The following CYP2D6 variants were observed in gnomAD, a reference collection of about 807,000 sequenced individuals.
The protein encoded by CYP2D6 is cytochrome P450 2D6.
A neutral mutation model predicts 43.5 loss-of-function variants in CYP2D6; 51 were observed. The observed-to-expected ratio is 1.17, with a 90% CI of 0.94 to 1.48. The LOEUF (loss-of-function observed/expected upper bound fraction) is 1.48. CYP2D6 is among the 40% of genes most tolerant of loss of function. The pLI is 0.00. For synonymous variants in CYP2D6, 346 were observed against 297.1 expected, an observed-to-expected ratio of 1.16 and a Z score of -1.69; for missense variants, 698 against 688.0, an observed-to-expected ratio of 1.01 and a Z score of -0.16.
In CYP2D6 at chr22:42,130,747, G is replaced by A. The variant is rs2146944839; in HGVS notation, c.45C>T (p.Ile15=). Residue 15 remains isoleucine, a synonymous_variant, in exon 1 of 9, where the codon ATC becomes ATT. Transcript: ENST00000645361. The part of the protein sequence containing the change: ...ALVPLAVIVA[I]FLLLVDLMHR... ...GCATCAGGTCCACCAGGAGCAGGAA[G>A]ATGGCCACTATCACGGCCAGGGGCA... is the stretch of plus-strand genomic sequence containing the variant. The A allele has an allele frequency of 6.3e-6, 10 of 1,594,980 alleles. No homozygotes were observed. Among genetic ancestry groups the A allele is most frequent in the Non-Finnish European group, 8.5e-6 (10 of 1,170,216 alleles).
Position 42,128,238 on chromosome 22 carries a change from A to G in CYP2D6, c.779T>C (p.Met260Thr). Residue 260 changes from methionine (M) to threonine (T), a missense_variant, in exon 5 of 9, where the codon ATG becomes ACG. Met to Thr is a moderately conservative substitution (Grantham distance 81, BLOSUM62 -1). Transcript: ENST00000645361. ...GGGGGGCTGGGCTGGGTCCCAGGTC[A>G]TCCTGTGCTCAGTTAGCAGCTCATC... ...QLDELLTEHR[M>T]TWDPAQPPRD... 6.2e-7 allele frequency: 1 copy of G among 1,610,370 alleles called. No individual in the cohort carries two copies. The highest frequency in any genetic ancestry group is 8.5e-7 in the Non-Finnish European group (1 of 1,177,934).
rs1174898951 is a variant in CYP2D6, at chr22:42,129,380, C to A, written c.353-195G>T. ...CTTTGCCCCACCTCGTCTCTGCCCA[C>A]CCTGACCGCCTTTGCACTCAGGGAA... is the stretch of plus-strand genomic sequence containing the variant. On this transcript the variant is annotated intron_variant, in intron 2 of 8. Transcript: ENST00000645361. The A allele has an allele frequency of 5.8e-6, 5 of 868,048 alleles. No homozygotes were observed. In the East Asian group the frequency reaches 1.3e-4, roughly 23 times the overall value. 53.8% of individuals were successfully genotyped at this position (868,048 alleles called of 1,614,324 possible). A position where few individuals can be genotyped will look rare whatever the true frequency, so the allele number is the denominator to read the frequency against.
At chr22:42,127,793 C>G (rs749933540) in intron 6 of CYP2D6, 49 bp downstream of exon 6, 1 of 1,603,504 alleles carries the variant, frequency 6.2e-7, no homozygotes, top group Non-Finnish European at 8.5e-7. Context: ...GGGCCCCCGC[C>G]TGTACCCTTC....
chr22:42,129,318 T>C (rs1931615604), intron 2 of CYP2D6, 133 bp from the exon 3 acceptor site: 2 of 1,193,416 alleles, frequency 1.7e-6, no homozygotes, highest in Non-Finnish European at 2.4e-6. Flanking sequence ...GGGCCCACTC[T>C]TTGTGCATCC....
In CYP2D6 at chr22:42,127,864, C is replaced by G; in HGVS notation, c.963G>C (p.Met321Ile). The G allele has an allele frequency of 6.2e-7, 1 of 1,611,140 alleles. No individual in the cohort carries two copies. The highest frequency in any genetic ancestry group is 1.3e-5 in the African/African-American group (1 of 74,436). ...STTLAWGLLL[M>I]ILHPDVQRRV... ...CACGCTGCACATCCGGATGTAGGATCATGAGCAGGAGGCCCCAGGCCAGCG... is the reference window on the plus strand; with the variant it reads ...CACGCTGCACATCCGGATGTAGGATGATGAGCAGGAGGCCCCAGGCCAGCG... Residue 321 changes from methionine to isoleucine, a missense_variant, in exon 6 of 9, where the codon ATG becomes ATC. By Grantham distance (10) the Met-to-Ile change is conservative. Transcript: ENST00000645361.
Position 42,127,659 on chromosome 22 carries a change from T to G in CYP2D6, c.986-25A>C, listed in dbSNP as rs781257354. ...CCTGGACAGACATGCGTCCCCACAA[T>G]GGGTCAGCACCCAGGGGGTCCGGCC... On this transcript the variant is annotated intron_variant, in intron 6 of 8. Coordinates refer to ENST00000645361, the MANE Select transcript of CYP2D6 (RefSeq NM_000106.6). 11 of 1,607,792 alleles carry G rather than the reference T, an allele frequency of 6.8e-6. 1 individual carries two copies.
chr22:42,129,288 GCT>G, intron 2 of CYP2D6, 103 bp from the exon 3 acceptor site: 1 of 1,408,664 alleles, frequency 7.1e-7, no homozygotes, highest in South Asian at 1.2e-5. Context: ...GCAGTCCCTG[GCT>G]CTGTCCAGCT....
At position 42,129,150 on chromosome 22, in the gene CYP2D6, C is replaced by T. The variant is rs771490928; in HGVS notation, c.388G>A (p.Glu130Lys). The T allele has an allele frequency of 9.9e-6, 16 of 1,608,562 alleles. 3 individuals carry two copies. Among genetic ancestry groups the T allele is most frequent in the African/African-American group, 1.3e-5 (1 of 74,576 alleles). Reference sequence around the variant, plus strand: ...GTGGACACGGAGAAGCGCCTCTGCTCGCGCCACGCGGGCCCATAGCGCGCC... The same window carrying T: ...GTGGACACGGAGAAGCGCCTCTGCTTGCGCCACGCGGGCCCATAGCGCGCC... ...FLARYGPAWREQRRFSVSTLR... is the reference protein window; with the variant it reads ...FLARYGPAWRKQRRFSVSTLR... Residue 130 changes from glutamate (E) to lysine (K), a missense_variant, in exon 3 of 9, where the codon GAG becomes AAG. By Grantham distance (56) the Glu-to-Lys change is moderately conservative. This residue lies in a region of CYP2D6 where 588 missense variants were observed against 521.1 expected (regional missense o/e 1.13). Coordinates refer to ENST00000645361, the MANE Select transcript of CYP2D6 (RefSeq NM_000106.6).
intron 7 of CYP2D6, 87 bp downstream of exon 7, chr22:42,127,360 C>T: frequency 4.5e-6 from 6 of 1,322,434 alleles, no homozygotes; most frequent in Non-Finnish European, 6.4e-6. Flanking sequence ...GCCAGGGTTC[C>T]TAGAGTGGGC....
At chr22:42,129,451 T>C (rs1931650059) in intron 2 of CYP2D6, 5 of 735,306 alleles carry the variant, frequency 6.8e-6, no homozygotes, top group Non-Finnish European at 1.2e-5. Context: ...ACAGCACAGG[T>C]GCGGTCCCCG....
Position 42,130,685 on chromosome 22 carries a change from C to G in CYP2D6, c.107G>C (p.Gly36Ala). 1 of 1,607,790 alleles carries G rather than the reference C, an allele frequency of 6.2e-7. No homozygotes were observed. The change falls in exon 1 of 9, where the codon GGC becomes GCC. Residue 36 changes from glycine to alanine, a missense_variant. Gly to Ala is a moderately conservative substitution (Grantham distance 60, BLOSUM62 0). This residue lies in a region of CYP2D6 where 588 missense variants were observed against 521.1 expected (regional missense o/e 1.13). Transcript: ENST00000645361. Reference sequence around the variant, plus strand: ...GCCCAGCCCGGGCAGTGGCAGGGGGCCTGGTGGGTAGCGTGCAGCCCAGCG... The same window carrying G: ...GCCCAGCCCGGGCAGTGGCAGGGGGGCTGGTGGGTAGCGTGCAGCCCAGCG... ...RQRWAARYPP[G>A]PLPLPGLGNL...
Position 42,129,143 on chromosome 22 carries a change from C to A in CYP2D6, c.395G>T (p.Arg132Met), listed in dbSNP as rs752758046. ...GCGCAAGGTGGACACGGAGAAGCGC[C>A]TCTGCTCGCGCCACGCGGGCCCATA... Reference protein sequence around the residue: ...ARYGPAWREQRRFSVSTLRNL... With the variant: ...ARYGPAWREQMRFSVSTLRNL... Residue 132 changes from arginine to methionine, a missense_variant, in exon 3 of 9, where the codon AGG becomes ATG. Physicochemically the swap from Arg to Met is moderately conservative, Grantham distance 91. Transcript: ENST00000645361. 3 of 1,609,392 alleles carry A rather than the reference C, an allele frequency of 1.9e-6. No individual in the cohort carries two copies. The highest frequency in any genetic ancestry group is 2.5e-6 in the Non-Finnish European group (3 of 1,178,074).
rs2146937305 is a variant in CYP2D6, at chr22:42,128,909, C to G, written c.541G>C (p.Ala181Pro). 3 of 1,594,618 alleles carry G rather than the reference C, an allele frequency of 1.9e-6. 1 individual carries two copies. The highest frequency in any genetic ancestry group is 2.6e-6 in the Non-Finnish European group (3 of 1,170,658). The change falls in exon 4 of 9, where the codon GCC becomes CCC. Residue 181 changes from alanine (A) to proline (P), a missense_variant. Ala to Pro is a conservative substitution (Grantham distance 27). This residue lies in a region of CYP2D6 where 588 missense variants were observed against 521.1 expected (regional missense o/e 1.13). Coordinates refer to ENST00000645361, the MANE Select transcript of CYP2D6 (RefSeq NM_000106.6). ...AGGGAGGCGATCACGTTGCTCACGG[C>G]TTTGTCCAAGAGACCGTTGGGGCGA... is the stretch of plus-strand genomic sequence containing the variant. ...PFRPNGLLDK[A>P]VSNVIASLTC...
chr22:42,128,718 C>G (rs1931417033), intron 4 of CYP2D6, 66 bp downstream of exon 4: 6 of 1,546,180 alleles, frequency 3.9e-6, no homozygotes, highest in Non-Finnish European at 5.3e-6. Flanking sequence ...TTCCGAGGCC[C>G]CAGTCCAGCC....
intron 2 of CYP2D6, 23 bp from the exon 3 acceptor site, chr22:42,129,208 CG>C: frequency 6.3e-7 from 1 of 1,597,232 alleles, no homozygotes; most frequent in Non-Finnish European, 8.5e-7. Flanking sequence ...CGGGCACGTG[CG>C]CGTGGCCATG....
Position 42,129,646 on chromosome 22 carries a change from C to T in CYP2D6, c.352+92G>A, listed in dbSNP as rs1602583603. 1 of 1,540,740 alleles carries T rather than the reference C, an allele frequency of 6.5e-7. No homozygotes were observed. The highest frequency in any genetic ancestry group is 8.9e-7 in the Non-Finnish European group (1 of 1,125,946). On this transcript the variant is annotated intron_variant, in intron 2 of 8. Transcript: ENST00000645361. The stretch of plus-strand genomic sequence containing the variant: ...CCCACTCGCTGGCCTGTTTCATGTC[C>T]ACGACCCCGCGCCCTCTCTGCCCAG...
At chr22:42,128,655 A>G (rs1931399686) in intron 4 of CYP2D6, 129 bp downstream of exon 4, 2 of 1,114,862 alleles carry the variant, frequency 1.8e-6, no homozygotes, top group South Asian at 1.3e-5. Flanking sequence ...CCCTTCTTAC[A>G]GTGGGGTCTC....
intron 6 of CYP2D6, 23 bp downstream of exon 6, chr22:42,127,819 C>A: frequency 6.2e-7 from 1 of 1,609,902 alleles, no homozygotes; most frequent in Non-Finnish European, 8.5e-7. Flanking sequence ...TCGGCCCCTG[C>A]ACTGTTTCCC....
At chr22:42,127,737 T>C (rs1931168507) in intron 6 of CYP2D6, 103 bp from the exon 7 acceptor site, 3 of 1,569,838 alleles carry the variant, frequency 1.9e-6, no homozygotes, top group Non-Finnish European at 2.6e-6. Flanking sequence ...TACAGGATCC[T>C]GGTCAAGCCT....
Sources: allele counts gnomAD v4.1 joint callset, GRCh38; gene constraint gnomAD v4.1.1; regional missense constraint gnomAD v4.1.1; transcripts MANE v1.5; gene names NCBI Gene and HGNC (gene_info 2026-07-23, HGNC 2026-07-21).